ATF3: variants seen among roughly 807,000 people sequenced by gnomAD.
ATF3 encodes the protein activating transcription factor 3.
A neutral mutation model predicts 18.4 loss-of-function variants in ATF3; 10 were observed. The ratio of observed to expected loss-of-function variants is 0.54; its 90% confidence interval spans 0.34 to 0.92. ATF3 has a LOEUF of 0.92. Among genes scored for constraint, ATF3 ranks in the 40% least tolerant of loss-of-function variants. The probability of loss-of-function intolerance (pLI) is 0.02; values close to 1 mark genes in which losing one functional copy is unlikely to be tolerated. For missense variants in ATF3, 183 were observed against 222.3 expected, an observed-to-expected ratio of 0.82 and a Z score of 1.12; for synonymous variants, 78 against 87.9, an observed-to-expected ratio of 0.89 and a Z score of 0.63.
chr1:212,595,344 T>C (rs923462170), intron 1 of ATF3, among the ~76,000 whole-genome samples: 2 of 152,166 alleles, frequency 1.3e-5, no homozygotes, highest in African/African-American at 4.8e-5. Context: ...CTAACCTTTT[T>C]CTCCAGTTGC....
chr1:212,586,967 A>G (rs1401962965), intron 1 of ATF3, among the ~76,000 whole-genome samples: 1 of 152,204 alleles, frequency 6.6e-6, no homozygotes, highest in Non-Finnish European at 1.5e-5. Context: ...GGCCCTCCGC[A>G]GGGCAGAGGA....
At chr1:212,605,845 A>G (rs1654609476), upstream of ATF3, among the ~76,000 whole-genome samples, 2 of 152,388 alleles carry the variant, frequency 1.3e-5, no homozygotes, top group African/African-American at 2.4e-5. Flanking sequence ...GCAATTCACC[A>G]TCATAAAACC....
chr1:212,607,722 C>T (rs995250097), upstream of ATF3, among the ~76,000 whole-genome samples: 15 of 152,214 alleles, frequency 9.9e-5, 1 homozygote, highest in Non-Finnish European at 4.4e-5. Context: ...AGCGGGGCGA[C>T]CCCCAGGCCT....
At chr1:212,598,601 C>T (rs995514438) in intron 1 of ATF3, among the ~76,000 whole-genome samples, 1 of 152,218 alleles carries the variant, frequency 6.6e-6, no homozygotes, top group Non-Finnish European at 1.5e-5. Flanking sequence ...TCCTCACCTT[C>T]CCCCACCCCC....
At chr1:212,573,127 T>G (rs1422898639) in intron 1 of ATF3, among the ~76,000 whole-genome samples, 1 of 152,142 alleles carries the variant, frequency 6.6e-6, no homozygotes, top group Admixed American at 6.5e-5. Flanking sequence ...AGTGCCCTAT[T>G]TCATTGGTTA....
At position 212,618,892 on chromosome 1, in the gene ATF3, A is replaced by G. The variant is rs1410619307; in HGVS notation, c.349-466A>G. 2 of 962,850 alleles carry G rather than the reference A, an allele frequency of 2.1e-6. No individual in the cohort carries two copies. The highest frequency in any genetic ancestry group is 3.2e-5 in the African/African-American group (2 of 61,886). The allele number at this position is 962,850 out of a possible 1,614,324, so 59.6% of individuals were successfully genotyped here. On this transcript the variant is annotated intron_variant, in intron 3 of 3. Transcript: ENST00000341491. The surrounding 1 kb of genome is among the most constrained non-coding windows in gnomAD (Gnocchi z 4.4). The stretch of plus-strand genomic sequence containing the variant: ...CAGAGTCTTAGCCCAAGTCCCACAG[A>G]TCCCCAAAAGTTCTGTTGATTGCTT...
intron 1 of ATF3, among the ~76,000 whole-genome samples, chr1:212,595,720 C>T (rs1247563476): frequency 6.6e-6 from 1 of 152,210 alleles, no homozygotes; most frequent in East Asian, 1.9e-4. Context: ...CAGTCCCACC[C>T]TTAACAAGTT....
chr1:212,577,761 C>A (rs1156915099), intron 1 of ATF3, among the ~76,000 whole-genome samples: 2 of 152,170 alleles, frequency 1.3e-5, no homozygotes, highest in African/African-American at 4.8e-5. Flanking sequence ...GGATTTGTTT[C>A]TTTTTTCACA....
intron 1 of ATF3, among the ~76,000 whole-genome samples, chr1:212,582,951 T>A (rs1664712342): frequency 6.6e-6 from 1 of 151,354 alleles, no homozygotes; most frequent in East Asian, 1.9e-4. Context: ...TGGATTCCAA[T>A]CCAGGTCTCT....
rs199908865 is a variant in ATF3, at chr1:212,619,089, T to C, written c.349-269T>C. 1.2e-5 allele frequency: 20 copies of C among 1,614,204 alleles called. No homozygotes were observed. The East Asian group carries it at 3.6e-4, about 29-fold the overall frequency. ...GTCCAGAAGACCTGCATATGGGCTG[T>C]TGACTCATGCAAATGAGGTATCTGA... On this transcript the variant is annotated intron_variant, in intron 3 of 3. Transcript: ENST00000341491. The surrounding 1 kb of genome is among the most constrained non-coding windows in gnomAD (Gnocchi z 4.4).
intron 1 of ATF3, among the ~76,000 whole-genome samples, chr1:212,575,167 G>A (rs1163901956): frequency 6.6e-6 from 1 of 151,898 alleles, no homozygotes; most frequent in African/African-American, 2.4e-5. Flanking sequence ...ACTGAGTACT[G>A]TAATCAATAA....
rs546591079 is a variant in ATF3 at position 212,616,270 on chromosome 1, AACACACACACAC to A, written c.240+1017_240+1028del. Among the ~76,000 whole-genome samples, 5 of 150,500 alleles carry A rather than the reference AACACACACACAC, an allele frequency of 3.3e-5. 1 individual carries two copies. The South Asian group carries it at 1.1e-3, about 32-fold the overall frequency. ...TTTGAGCAGAGAAGCAACAAGATTC[AACACACACACAC>A]ACACACAGATACACACACACACTTT... On this transcript the variant is annotated intron_variant, in intron 2 of 3. Transcript: ENST00000341491.
intron 1 of ATF3, among the ~76,000 whole-genome samples, chr1:212,602,082 A>G (rs1654497879): frequency 6.6e-6 from 1 of 151,740 alleles, no homozygotes; most frequent in Non-Finnish European, 1.5e-5. Flanking sequence ...TACAGGAGAA[A>G]CTGAGGTTAT....
chr1:212,574,437 T>G (rs567075554), intron 1 of ATF3, among the ~76,000 whole-genome samples: 17 of 152,180 alleles, frequency 1.1e-4, no homozygotes, highest in African/African-American at 4.1e-4. Context: ...ATCTCTCATT[T>G]TGGTATATTC....
intron 1 of ATF3, among the ~76,000 whole-genome samples, chr1:212,586,696 G>A (rs1571765625): frequency 6.6e-6 from 1 of 152,332 alleles, no homozygotes; most frequent in African/African-American, 2.4e-5. Flanking sequence ...GACATGAATT[G>A]ACGTGGGAGA....
chr1:212,609,679 C>A (rs2102649680), intron 1 of ATF3, among the ~76,000 whole-genome samples: 1 of 152,388 alleles, frequency 6.6e-6, no homozygotes, highest in South Asian at 2.1e-4. Context: ...CTCCCACACA[C>A]CTGGGACTCT....
chr1:212,601,734 A>G (rs1184685859), intron 1 of ATF3, among the ~76,000 whole-genome samples: 1 of 152,210 alleles, frequency 6.6e-6, no homozygotes, highest in Non-Finnish European at 1.5e-5. Flanking sequence ...CTGGCCACAC[A>G]TCAAGTTTTT....
intron 1 of ATF3, among the ~76,000 whole-genome samples, chr1:212,598,018 A>G (rs1654360970): frequency 6.6e-6 from 1 of 152,216 alleles, no homozygotes. Context: ...CAGGACTGGA[A>G]AAAAGTAGGC....
chr1:212,572,786 T>C (rs1212000051), intron 1 of ATF3, among the ~76,000 whole-genome samples: 1 of 152,218 alleles, frequency 6.6e-6, no homozygotes, highest in Non-Finnish European at 1.5e-5. Context: ...AGGCATTCCA[T>C]AGAAGTTTCC....
Sources: allele counts gnomAD v4.1 joint callset (sites outside exome capture counted in the v4.1 genomes callset), GRCh38; gene constraint gnomAD v4.1.1; non-coding constraint Gnocchi (gnomAD v3.1); transcripts MANE v1.5; gene names NCBI Gene and HGNC (gene_info 2026-07-23, HGNC 2026-07-21).